The following BANK1 variants were observed in gnomAD, a reference collection of about 807,000 sequenced individuals.
BANK1 encodes the protein B-cell scaffold protein with ankyrin repeats.
Under a neutral mutation model 94.5 loss-of-function variants are expected in BANK1, and 95 were observed. That is an observed-to-expected ratio of 1.00 (90% CI 0.85 to 1.19). The LOEUF is 1.19. Ranked by LOEUF, BANK1 falls within the 50% of genes most tolerant of loss-of-function variation. The pLI is 0.00. For missense variants in BANK1, 987 were observed against 932.2 expected, an observed-to-expected ratio of 1.06 and a Z score of -0.77; for synonymous variants, 334 against 308.4, an observed-to-expected ratio of 1.08 and a Z score of -0.87.
intron 7 of BANK1, among the ~76,000 whole-genome samples, chr4:102,008,613 G>A (rs1160163348): frequency 6.6e-6 from 1 of 152,142 alleles, no homozygotes; most frequent in East Asian, 1.9e-4. Flanking sequence ...AGAAGGAATA[G>A]CCAGGCACAT....
intron 1 of BANK1, among the ~76,000 whole-genome samples, chr4:101,821,301 T>C (rs1413203057): frequency 2.6e-5 from 4 of 152,224 alleles, no homozygotes; most frequent in African/African-American, 9.6e-5. Flanking sequence ...TGGAGTTGTT[T>C]GCTTTTTTCT....
intron 1 of BANK1, 48 bp from the exon 2 acceptor site, chr4:101,829,760 C>T (rs1424189007): frequency 8.8e-6 from 11 of 1,248,506 alleles, no homozygotes; most frequent in Non-Finnish European, 1.2e-5. Flanking sequence ...AATAATTTAA[C>T]CTGCTGATAG....
chr4:101,924,707 C>T (rs1219379097), intron 7 of BANK1, among the ~76,000 whole-genome samples: 1 of 151,774 alleles, frequency 6.6e-6, no homozygotes, highest in East Asian at 1.9e-4. Flanking sequence ...TATCAATTTA[C>T]ATCACCAAAA....
At chr4:101,865,550 A>T (rs1728037363) in intron 4 of BANK1, among the ~76,000 whole-genome samples, 1 of 152,014 alleles carries the variant, frequency 6.6e-6, no homozygotes, top group Non-Finnish European at 1.5e-5. Flanking sequence ...AAAACACCTC[A>T]CCAGAGCCTC....
chr4:101,889,385 T>C (rs1452747172), intron 5 of BANK1, among the ~76,000 whole-genome samples: 2 of 151,938 alleles, frequency 1.3e-5, no homozygotes, highest in African/African-American at 4.8e-5. Context: ...GATCATGAGG[T>C]CAGGAGATCG....
intron 7 of BANK1, among the ~76,000 whole-genome samples, chr4:101,943,783 T>C (rs1484026889): frequency 1.3e-5 from 2 of 151,930 alleles, no homozygotes; most frequent in African/African-American, 4.8e-5. Context: ...AGATATTTCA[T>C]AGCATTTTGT....
At position 101,964,899 on chromosome 4, in the gene BANK1, A is replaced by G. The variant is rs1194815271; in HGVS notation, c.1206+46710A>G. Among the ~76,000 whole-genome samples, 19 of 141,412 alleles carry G rather than the reference A, an allele frequency of 1.3e-4. 1 individual carries two copies. Among genetic ancestry groups the G allele is most frequent in the Middle Eastern group, 3.5e-3 (1 of 286 alleles). The allele number at this position is 141,412 out of a possible 152,430, so 92.8% of individuals were successfully genotyped here. Reference sequence around the variant, plus strand: ...CATCTAGCATTAGGTATATCTCCCAATGCGATCCCTCCCCCCTCCCCCCGC... The same window carrying G: ...CATCTAGCATTAGGTATATCTCCCAGTGCGATCCCTCCCCCCTCCCCCCGC... On this transcript the variant is annotated intron_variant, in intron 7 of 16. Transcript: ENST00000322953.
At chr4:101,892,904 T>C (rs2148890079) in intron 5 of BANK1, among the ~76,000 whole-genome samples, 1 of 152,156 alleles carries the variant, frequency 6.6e-6, no homozygotes, top group East Asian at 1.9e-4. Flanking sequence ...TATTTTTGGT[T>C]AGGTTGTCTT....
intron 7 of BANK1, among the ~76,000 whole-genome samples, chr4:101,989,633 G>A (rs1037870136): frequency 6.6e-6 from 1 of 150,890 alleles, no homozygotes; most frequent in Non-Finnish European, 1.5e-5. Context: ...ATTTCATCTG[G>A]GACAGCTTTT....
intron 7 of BANK1, among the ~76,000 whole-genome samples, chr4:101,990,859 G>A (rs992672902): frequency 2.0e-5 from 3 of 152,076 alleles, no homozygotes; most frequent in Non-Finnish European, 4.4e-5. Flanking sequence ...GATGATGATG[G>A]TATTTAACTC....
intron 7 of BANK1, among the ~76,000 whole-genome samples, chr4:101,940,566 T>A (rs1396279131): frequency 6.6e-6 from 1 of 151,794 alleles, no homozygotes; most frequent in South Asian, 2.1e-4. Context: ...CTCTTTACAC[T>A]CCTTTTGTCT....
intron 5 of BANK1, among the ~76,000 whole-genome samples, chr4:101,883,964 T>C (rs12647829): frequency 0.11 from 17,160 of 152,204 alleles, 1,721 homozygotes; most frequent in African/African-American, 0.27. Context: ...CACCATGCAA[T>C]CTTGTGGGCC....
At position 102,071,219 on chromosome 4, in the gene BANK1, A is replaced by C; in HGVS notation, c.2213-56A>C. 8.3e-6 allele frequency: 13 copies of C among 1,562,202 alleles called. No individual in the cohort carries two copies. The South Asian group carries it at 1.5e-4, about 17-fold the overall frequency. ...AACAATTAAAAAAATAAGAGAGAGA[A>C]TTTAAGATAAATATTGAACAAAACT... is the stretch of plus-strand genomic sequence containing the variant. On this transcript the variant is annotated intron_variant, in intron 13 of 16. Coordinates refer to ENST00000322953, the MANE Select transcript of BANK1 (RefSeq NM_017935.5).
chr4:101,898,860 A>T (rs1203424876), intron 6 of BANK1, among the ~76,000 whole-genome samples: 1 of 152,068 alleles, frequency 6.6e-6, no homozygotes, highest in African/African-American at 2.4e-5. Context: ...GGGTGGAAAT[A>T]AGAGGGAAAA....
intron 1 of BANK1, among the ~76,000 whole-genome samples, chr4:101,793,424 A>G (rs540300816): frequency 1.3e-5 from 2 of 152,234 alleles, no homozygotes; most frequent in Non-Finnish European, 2.9e-5. Context: ...TTTTAAAGAC[A>G]AGGAGTGCTT....
chr4:101,979,677 A>C (rs943614590), intron 7 of BANK1, among the ~76,000 whole-genome samples: 3 of 151,860 alleles, frequency 2.0e-5, no homozygotes, highest in Admixed American at 6.6e-5. Context: ...GCTAACATAC[A>C]TTTACATATG....
intron 7 of BANK1, among the ~76,000 whole-genome samples, chr4:101,942,036 T>C (rs1224403542): frequency 6.6e-6 from 1 of 151,748 alleles, no homozygotes; most frequent in African/African-American, 2.4e-5. Context: ...GTAAGAACAA[T>C]AGCTATTTAT....
At chr4:101,859,379 G>A (rs578204336) in intron 3 of BANK1, among the ~76,000 whole-genome samples, 30 of 152,176 alleles carry the variant, frequency 2.0e-4, no homozygotes, top group African/African-American at 7.0e-4. Flanking sequence ...TCAGAGATTC[G>A]GATATAAATG....
intron 7 of BANK1, among the ~76,000 whole-genome samples, chr4:102,007,092 A>ATATATATTATAT (rs1322128290): frequency 1.2e-5 from 1 of 82,298 alleles, no homozygotes; most frequent in African/African-American, 4.2e-5. Context: ...ATATATATAT[A>ATATATATTATAT]ATATATTTAT....
Sources: gnomAD v4.1 joint callset for allele counts (sites outside exome capture counted in the v4.1 genomes callset) on GRCh38, gnomAD v4.1.1 for gene constraint, MANE v1.5 for transcripts, NCBI Gene and HGNC (gene_info 2026-07-23, HGNC 2026-07-21) for gene names.